Variants in RSRP1 observed in about 807,000 individuals in gnomAD.
The protein encoded by RSRP1 is arginine/serine-rich protein 1.
In RSRP1, 37 loss-of-function variants were observed where a neutral mutation model predicts 33.0. That is an observed-to-expected ratio of 1.12 (90% CI 0.86 to 1.48). The LOEUF is 1.48. Among genes scored for constraint, RSRP1 ranks in the 40% most tolerant of loss-of-function variants. RSRP1 has a pLI of 0.00. For synonymous variants in RSRP1, 167 were observed against 158.7 expected, an observed-to-expected ratio of 1.05 and a Z score of -0.40; for missense variants, 402 against 385.3, an observed-to-expected ratio of 1.04 and a Z score of -0.36.
At chr1:25,267,720 T>C (rs1360748565) in intron 1 of RSRP1, 1 of 132,418 alleles carries the variant, frequency 7.6e-6, no homozygotes, top group East Asian at 2.0e-4. Flanking sequence ...CCGACCCCAG[T>C]ACTAGAAAAC....
At chr1:25,310,855 C>G (rs964881714) in intron 1 of RSRP1, among the ~76,000 whole-genome samples, 1 of 131,186 alleles carries the variant, frequency 7.6e-6, no homozygotes, top group Non-Finnish European at 1.8e-5. Context: ...CACCTGTAAT[C>G]TCAGCTACTC....
intron 1 of RSRP1, among the ~76,000 whole-genome samples, chr1:25,303,667 T>A (rs1226551736): frequency 1.5e-5 from 2 of 131,646 alleles, no homozygotes; most frequent in East Asian, 3.9e-4. Flanking sequence ...CCATTTGAGC[T>A]TGCTTGGGCA....
At position 25,291,161 on chromosome 1, in the gene RSRP1, T is replaced by C. The variant is rs1009923416; in HGVS notation, c.-66-44132A>G. ...GTAGGTGGATAGACAGATAGATAGATAGACAGACAGACAGACAGACAGACA... is the reference window on the plus strand; with the variant it reads ...GTAGGTGGATAGACAGATAGATAGACAGACAGACAGACAGACAGACAGACA... On this transcript the variant is annotated intron_variant, in intron 1 of 1. Transcript: ENST00000561867. Among the ~76,000 whole-genome samples, 14 of 124,124 alleles carry C rather than the reference T, an allele frequency of 1.1e-4. 2 individuals carry two copies. Among genetic ancestry groups the C allele is most frequent in the African/African-American group, 2.6e-4 (9 of 34,100 alleles). The allele number at this position is 124,124 out of a possible 152,430, so 81.4% of individuals were successfully genotyped here. A position where few individuals can be genotyped will look rare whatever the true frequency, so the allele number is the denominator to read the frequency against.
At position 25,287,638 on chromosome 1, in the gene RSRP1, T is replaced by C. The variant is rs1465810857; in HGVS notation, c.-66-40609A>G. On this transcript the variant is annotated intron_variant, in intron 1 of 1. Transcript: ENST00000561867. ...CTATCTTATTCAACGTTGTTGTTTG[T>C]TTTCCTCACATACTGATAACTTAGC... 4.4e-5 allele frequency among the ~76,000 whole-genome samples: 6 copies of C among 135,704 alleles called. 1 individual carries two copies. The highest frequency in any genetic ancestry group is 2.2e-4 in the South Asian group (1 of 4,558). 89.0% of individuals were successfully genotyped at this position (135,704 alleles called of 152,430 possible). A position where few individuals can be genotyped will look rare whatever the true frequency, so the allele number is the denominator to read the frequency against.
chr1:25,284,962 C>T (rs1376128173), intron 1 of RSRP1, among the ~76,000 whole-genome samples: 3 of 135,052 alleles, frequency 2.2e-5, no homozygotes, highest in Non-Finnish European at 3.5e-5. Context: ...GACAGCCCTA[C>T]TCCGTGTATC....
chr1:25,277,514 GA>G lies in RSRP1; in HGVS notation c.-66-30486del, dbSNP rs200531808. Among the ~76,000 whole-genome samples the G allele has an allele frequency of 5.6e-3, 742 of 132,932 alleles. 41 individuals are homozygous for G. Among genetic ancestry groups the G allele is most frequent in the African/African-American group, 0.018 (706 of 38,998 alleles). The allele number at this position is 132,932 out of a possible 152,430, so 87.2% of individuals were successfully genotyped here. A position where few individuals can be genotyped will look rare whatever the true frequency, so the allele number is the denominator to read the frequency against. ...GAAAGTTCGAGAATTCCTGGAGCTA[GA>G]CTGATTCAAATCTTGCCTCTGTATC... On this transcript the variant is annotated intron_variant, in intron 1 of 1. Coordinates refer to the RSRP1 transcript ENST00000561867.
chr1:25,306,104 T>C lies in RSRP1; in HGVS notation c.-67+31874A>G, dbSNP rs1213231048. Among the ~76,000 whole-genome samples the C allele has an allele frequency of 1.5e-5, 2 of 131,390 alleles. 1 individual carries two copies. Among genetic ancestry groups the C allele is most frequent in the Admixed American group, 1.5e-4 (2 of 13,508 alleles). The allele number at this position is 131,390 out of a possible 152,430, so 86.2% of individuals were successfully genotyped here. On this transcript the variant is annotated intron_variant, in intron 1 of 1. Transcript: ENST00000561867. The stretch of plus-strand genomic sequence containing the variant: ...GTTGTCTTTGGGATGGTGCTTAAAT[T>C]TGGGCTAGACCAGTGGGTCTTGGTC...
Position 25,312,352 on chromosome 1 carries a change from A to G in RSRP1, c.-67+25626T>C, listed in dbSNP as rs1357719967. On this transcript the variant is annotated intron_variant, in intron 1 of 1. Transcript: ENST00000561867. ...CTTTACAGGCTTACAGCCAGAGGGA[A>G]TCTCCCATAGAATGAATTGTACCTT... Among the ~76,000 whole-genome samples, 2 of 102,098 alleles carry G rather than the reference A, an allele frequency of 2.0e-5. 1 individual carries two copies. Among genetic ancestry groups the G allele is most frequent in the African/African-American group, 6.4e-5 (2 of 31,096 alleles). The allele number at this position is 102,098 out of a possible 152,430, so 67.0% of individuals were successfully genotyped here.
chr1:25,283,009 ATC>A lies in RSRP1; in HGVS notation c.-66-35982_-66-35981del, dbSNP rs1030775589. On this transcript the variant is annotated intron_variant, in intron 1 of 1. Transcript: ENST00000561867. ...AATGACGGAAAAAAAATTCTTCAAG[ATC>A]TCTCTCTCTCCAGTCATTTATTCAT... Among the ~76,000 whole-genome samples the A allele has an allele frequency of 1.1e-4, 14 of 132,922 alleles. 2 individuals are homozygous for A. The highest frequency in any genetic ancestry group is 3.3e-4 in the African/African-American group (13 of 39,074). 87.2% of individuals were successfully genotyped at this position (132,922 alleles called of 152,430 possible).
rs561658451 is a variant in RSRP1, at chr1:25,283,031, A to G, written c.-66-36002T>C. Among the ~76,000 whole-genome samples the G allele has an allele frequency of 1.8e-4, 24 of 133,668 alleles. 4 individuals carry two copies. The highest frequency in any genetic ancestry group is 6.1e-4 in the African/African-American group (24 of 39,264). The allele number at this position is 133,668 out of a possible 152,430, so 87.7% of individuals were successfully genotyped here. A position where few individuals can be genotyped will look rare whatever the true frequency, so the allele number is the denominator to read the frequency against. On this transcript the variant is annotated intron_variant, in intron 1 of 1. Transcript: ENST00000561867. Reference sequence around the variant, plus strand: ...AAGATCTCTCTCTCTCCAGTCATTTATTCATGTGCGAAAACAGTTGGTGAT... The same window carrying G: ...AAGATCTCTCTCTCTCCAGTCATTTGTTCATGTGCGAAAACAGTTGGTGAT...
At chr1:25,260,271 A>T (rs904416331) in intron 1 of RSRP1, among the ~76,000 whole-genome samples, 2 of 152,264 alleles carry the variant, frequency 1.3e-5, no homozygotes, top group Non-Finnish European at 1.5e-5. Context: ...CTTGAAAAAT[A>T]AAAATGAACA....
In RSRP1 at chr1:25,273,104, T is replaced by C. The variant is rs588445; in HGVS notation, c.-66-26075A>G. Among the ~76,000 whole-genome samples, 172 of 131,350 alleles carry C rather than the reference T, an allele frequency of 1.3e-3. 28 individuals are homozygous for C. The highest frequency in any genetic ancestry group is 4.2e-3 in the African/African-American group (162 of 38,566). 86.2% of individuals were successfully genotyped at this position (131,350 alleles called of 152,430 possible). A position where few individuals can be genotyped will look rare whatever the true frequency, so the allele number is the denominator to read the frequency against. The stretch of plus-strand genomic sequence containing the variant: ...AAGCAATTTCATGTTGTTGGGTTTT[T>C]GGTTTTTGTTTCCTTTTTGTGGCCT... On this transcript the variant is annotated intron_variant, in intron 1 of 1. Transcript: ENST00000561867.
chr1:25,318,983 C>T (rs1221214518), intron 1 of RSRP1, among the ~76,000 whole-genome samples: 2 of 132,792 alleles, frequency 1.5e-5, no homozygotes, highest in Non-Finnish European at 3.6e-5. Flanking sequence ...GCGTTAATTC[C>T]GTAAGTTAAC....
chr1:25,321,835 G>A lies in RSRP1; in HGVS notation c.-67+16143C>T, dbSNP rs1194280424. ...CACACAATATTTCGATTAATCTTGA[G>A]ATTAAAAATCCTGTGCTCCAAATCT... On this transcript the variant is annotated intron_variant, in intron 1 of 1. Coordinates refer to the RSRP1 transcript ENST00000561867. 21 of 900,430 alleles carry A rather than the reference G, an allele frequency of 2.3e-5. 1 individual carries two copies. The highest frequency in any genetic ancestry group is 2.3e-4 in the Admixed American group (12 of 52,526). 55.8% of individuals were successfully genotyped at this position (900,430 alleles called of 1,614,324 possible).
At chr1:25,288,555 C>T (rs1304995381) in intron 1 of RSRP1, among the ~76,000 whole-genome samples, 1 of 125,748 alleles carries the variant, frequency 8.0e-6, no homozygotes, top group African/African-American at 2.7e-5. Context: ...TAACCAACTC[C>T]TTTATTGTGC....
intron 1 of RSRP1, among the ~76,000 whole-genome samples, chr1:25,299,500 C>G (rs2124669646): frequency 7.6e-6 from 1 of 132,090 alleles, no homozygotes; most frequent in South Asian, 2.3e-4. Context: ...GGGTGGACTA[C>G]TCCCTCCACC....
At chr1:25,257,934 C>T (rs1639999139) in intron 1 of RSRP1, among the ~76,000 whole-genome samples, 1 of 152,034 alleles carries the variant, frequency 6.6e-6, no homozygotes. Flanking sequence ...TTGAGGCAGA[C>T]TTTGGGGAGC....
rs958831037 is a variant in RSRP1, at chr1:25,317,870, G to A, written c.-67+20108C>T. Among the ~76,000 whole-genome samples, 3 of 108,712 alleles carry A rather than the reference G, an allele frequency of 2.8e-5. 1 individual carries two copies. The highest frequency in any genetic ancestry group is 6.6e-5 in the Non-Finnish European group (3 of 45,544). The allele number at this position is 108,712 out of a possible 152,430, so 71.3% of individuals were successfully genotyped here. Reference sequence around the variant, plus strand: ...GGAGTGAGAAGGAGCAGCAGGGGTTGAGGGCAGAATGGTAGTGAGGAGCAG... The same window carrying A: ...GGAGTGAGAAGGAGCAGCAGGGGTTAAGGGCAGAATGGTAGTGAGGAGCAG... On this transcript the variant is annotated intron_variant, in intron 1 of 1. Coordinates refer to the RSRP1 transcript ENST00000561867.
intron 1 of RSRP1, chr1:25,306,732 G>T (rs779585806): frequency 7.3e-7 from 1 of 1,376,596 alleles, no homozygotes; most frequent in East Asian, 2.2e-5. Context: ...AATGGCATGT[G>T]GGTCACTGGG....
Sources: gnomAD v4.1 joint callset for allele counts (sites outside exome capture counted in the v4.1 genomes callset) on GRCh38, gnomAD v4.1.1 for gene constraint, MANE v1.5 for transcripts, NCBI Gene and HGNC (gene_info 2026-07-23, HGNC 2026-07-21) for gene names.